The following MAP3K13 variants were observed in gnomAD, a reference collection of about 807,000 sequenced individuals.
MAP3K13 encodes mitogen-activated protein kinase kinase kinase 13.
A neutral mutation model predicts 104.0 loss-of-function variants in MAP3K13; 52 were observed. That is an observed-to-expected ratio of 0.50 (90% CI 0.40 to 0.63). The LOEUF (loss-of-function observed/expected upper bound fraction) is 0.63. Ranked by LOEUF, MAP3K13 falls within the 20% of genes least tolerant of loss-of-function variation. MAP3K13 has a pLI of 0.00. For synonymous variants in MAP3K13, 394 were observed against 442.2 expected (o/e 0.89, Z 1.37); for missense variants, 914 against 1,218.5 (o/e 0.75, Z 3.72).
intron 8 of MAP3K13, among the ~76,000 whole-genome samples, chr3:185,464,643 C>G (rs557244317): frequency 6.6e-6 from 1 of 152,286 alleles, no homozygotes; most frequent in Admixed American, 6.5e-5. Context: ...AACCTCTTTC[C>G]TTTATAAATT....
chr3:185,437,107 G>C (rs1368617966), intron 2 of MAP3K13, among the ~76,000 whole-genome samples: 3 of 151,902 alleles, frequency 2.0e-5, no homozygotes, highest in Non-Finnish European at 4.4e-5. Context: ...GGGTGATGGG[G>C]TAGGGATAGT....
chr3:185,363,002 TA>T, upstream of MAP3K13: 1 of 794,232 alleles, frequency 1.3e-6, no homozygotes, highest in Non-Finnish European at 1.5e-6. Context: ...CAGTCTGTCT[TA>T]AGGCAGTGGC....
chr3:185,417,368 C>T, intron 1 of MAP3K13: 2 of 1,026,934 alleles, frequency 1.9e-6, no homozygotes, highest in Non-Finnish European at 2.8e-6. Flanking sequence ...ATAATCAAAA[C>T]ACTGATATAT....
In MAP3K13 at chr3:185,311,405, G is replaced by A. The variant is rs536125187; in HGVS notation, c.-86+25762G>A. Among the ~76,000 whole-genome samples the A allele has an allele frequency of 2.4e-4, 36 of 152,256 alleles. No homozygotes were observed. The South Asian group carries it at 3.7e-3, about 16-fold the overall frequency. On this transcript the variant is annotated intron_variant, in intron 2 of 14. Coordinates refer to the MAP3K13 transcript ENST00000424227. ...ATTCACTATCATGAGAATAGCATGG[G>A]AAAGACCAGCCCCCATGATTCAATT... is the stretch of plus-strand genomic sequence containing the variant.
chr3:185,481,925 A>G (rs1718481905), intron 13 of MAP3K13, among the ~76,000 whole-genome samples: 1 of 152,236 alleles, frequency 6.6e-6, no homozygotes, highest in South Asian at 2.1e-4. Flanking sequence ...TCTACTAAAA[A>G]TACAAAAAAT....
At position 185,450,641 on chromosome 3, in the gene MAP3K13, A is replaced by C. The variant is rs997017889; in HGVS notation, c.1169+583A>C. ...AAATAAAATAAAATATAAATAAAAA[A>C]CTGTACTGCAGGGCCAGGCATGGTG... On this transcript the variant is annotated intron_variant, in intron 6 of 13. Coordinates refer to ENST00000265026, the MANE Select transcript of MAP3K13 (RefSeq NM_004721.5). This position sits in a 1 kb window ranked among gnomAD's most constrained non-coding sequence, Gnocchi z 4.2. 2.0e-5 allele frequency among the ~76,000 whole-genome samples: 3 copies of C among 151,876 alleles called. No homozygotes were observed. Among genetic ancestry groups the C allele is most frequent in the Non-Finnish European group, 4.4e-5 (3 of 67,990 alleles).
At chr3:185,417,596 GCTT>G (rs35720125) in intron 1 of MAP3K13, 295,418 of 1,610,888 alleles carry the variant, frequency 0.18, 30,051 homozygotes, top group African/African-American at 0.38. Flanking sequence ...CCCACCAGAG[GCTT>G]CTTCTGCTTC....
intron 10 of MAP3K13, 110 bp downstream of exon 10, chr3:185,467,073 T>C (rs1717484396): frequency 8.1e-7 from 1 of 1,235,566 alleles, no homozygotes; most frequent in African/African-American, 1.5e-5. Context: ...ATCAGATGAC[T>C]GTAGAGATAC....
chr3:185,319,213 C>T (rs1721776879), intron 2 of MAP3K13, among the ~76,000 whole-genome samples: 1 of 152,222 alleles, frequency 6.6e-6, no homozygotes, highest in East Asian at 1.9e-4. Context: ...TATAATGTAG[C>T]ATTGTAGGAG....
chr3:185,328,000 G>GGGAA (rs367970418), intron 2 of MAP3K13, among the ~76,000 whole-genome samples: 14 of 149,300 alleles, frequency 9.4e-5, no homozygotes, highest in African/African-American at 3.2e-4. Flanking sequence ...GAAGGAGGGA[G>GGGAA]GGAAGGAAGG....
intron 4 of MAP3K13, 92 bp from the exon 5 acceptor site, chr3:185,447,694 AAGT>A: frequency 1.1e-6 from 1 of 898,226 alleles, no homozygotes; most frequent in Non-Finnish European, 1.7e-6. Flanking sequence ...ACAAGATAGG[AAGT>A]AGCAGATAAA....
At chr3:185,407,974 T>A (rs1354832452) in intron 1 of MAP3K13, among the ~76,000 whole-genome samples, 1 of 146,494 alleles carries the variant, frequency 6.8e-6, no homozygotes, top group Non-Finnish European at 1.5e-5. Flanking sequence ...ACTCCTGCGC[T>A]CAAGTGATCC....
At chr3:185,449,034 T>G (rs1181771657) in intron 5 of MAP3K13, among the ~76,000 whole-genome samples, 1 of 152,222 alleles carries the variant, frequency 6.6e-6, no homozygotes, top group African/African-American at 2.4e-5. Context: ...TACAGTTTAA[T>G]TTCTCAATTT....
intron 2 of MAP3K13, among the ~76,000 whole-genome samples, chr3:185,333,649 T>C (rs530913323): frequency 6.6e-6 from 1 of 152,180 alleles, no homozygotes; most frequent in African/African-American, 2.4e-5. Flanking sequence ...ATCCCAACAT[T>C]TTGAGAGGCT....
chr3:185,448,582 C>T (rs1237927612), intron 5 of MAP3K13, among the ~76,000 whole-genome samples: 1 of 152,130 alleles, frequency 6.6e-6, no homozygotes, highest in Non-Finnish European at 1.5e-5. Context: ...TAGCACATGT[C>T]AAAATTGCAT....
chr3:185,477,393 A>G lies in MAP3K13; in HGVS notation c.2498A>G (p.Gln833Arg), dbSNP rs1366256607. 4 of 1,611,798 alleles carry G rather than the reference A, an allele frequency of 2.5e-6. No individual in the cohort carries two copies. The highest frequency in any genetic ancestry group is 2.5e-6 in the Non-Finnish European group (3 of 1,177,978). ...VDSEVEFPRR[Q>R]RPHRCISSCQ... Reference sequence around the variant, plus strand: ...AGTGAAGTTGAATTTCCACGAAGACAGAGGTAAAACCAACAAATGCACACG... The same window carrying G: ...AGTGAAGTTGAATTTCCACGAAGACGGAGGTAAAACCAACAAATGCACACG... The change falls in exon 12 of 14, where the codon CAG (glutamine) becomes CGG (arginine). Residue 833 changes from glutamine (Q) to arginine (R), a missense_variant. By Grantham distance (43) the Gln-to-Arg change is conservative. Coordinates refer to ENST00000265026, the MANE Select transcript of MAP3K13 (RefSeq NM_004721.5).
chr3:185,395,357 C>CTT (rs770336517), intron 1 of MAP3K13, among the ~76,000 whole-genome samples: 3 of 69,976 alleles, frequency 4.3e-5, no homozygotes, highest in East Asian at 1.1e-3. Flanking sequence ...AATATTATTT[C>CTT]TTTTTTTTTT....
At chr3:185,392,049 C>A (rs975606304) in intron 1 of MAP3K13, among the ~76,000 whole-genome samples, 1 of 152,114 alleles carries the variant, frequency 6.6e-6, no homozygotes, top group Non-Finnish European at 1.5e-5. Flanking sequence ...TCTTGCATGA[C>A]TTTTACATGC....
At chr3:185,449,042 T>A (rs575310348) in intron 5 of MAP3K13, among the ~76,000 whole-genome samples, 1 of 152,350 alleles carries the variant, frequency 6.6e-6, no homozygotes, top group East Asian at 1.9e-4. Flanking sequence ...AATTTCTCAA[T>A]TTCTCCTTTT....
Sources: gnomAD v4.1 joint callset for allele counts (sites outside exome capture counted in the v4.1 genomes callset) on GRCh38, gnomAD v4.1.1 for gene constraint, Gnocchi (gnomAD v3.1) non-coding constraint, MANE v1.5 for transcripts, NCBI Gene and HGNC (gene_info 2026-07-23, HGNC 2026-07-21) for gene names.